TNFRSF8: variants seen among roughly 807,000 people sequenced by gnomAD.
TNFRSF8 encodes the protein TNF receptor superfamily member 8.
Under a neutral mutation model 70.8 loss-of-function variants are expected in TNFRSF8, and 26 were observed. The ratio of observed to expected loss-of-function variants is 0.37; its 90% CI spans 0.27 to 0.51. TNFRSF8 has a LOEUF of 0.51. Ranked by LOEUF, TNFRSF8 falls within the 20% of genes least tolerant of loss-of-function variation. The pLI, the probability that TNFRSF8 is intolerant of heterozygous loss-of-function variation, is 0.94. For missense variants in TNFRSF8, 720 were observed against 807.9 expected (o/e 0.89, Z 1.32); for synonymous variants, 356 against 339.2 (o/e 1.05, Z -0.54).
intron 3 of TNFRSF8, among the ~76,000 whole-genome samples, 191 bp from the exon 4 acceptor site, chr1:12,104,188 T>C (rs1641474699): frequency 6.6e-6 from 1 of 152,156 alleles, no homozygotes; most frequent in East Asian, 1.9e-4. Flanking sequence ...CTTTTTTTTA[T>C]TTTTTTGCAT....
Position 12,110,335 on chromosome 1 carries a change from T to A in TNFRSF8, c.676+131T>A. The A allele has an allele frequency of 1.0e-6, 1 of 967,760 alleles. No individual in the cohort carries two copies. Among genetic ancestry groups the A allele is most frequent in the Non-Finnish European group, 1.5e-6 (1 of 680,060 alleles). 59.9% of individuals were successfully genotyped at this position (967,760 alleles called of 1,614,324 possible). A position where few individuals can be genotyped will look rare whatever the true frequency, so the allele number is the denominator to read the frequency against. On this transcript the variant is annotated intron_variant, in intron 6 of 14. Coordinates refer to ENST00000263932, the MANE Select transcript of TNFRSF8 (RefSeq NM_001243.5). The surrounding 1 kb of genome is among the most constrained non-coding windows in gnomAD (Gnocchi z 4.0). ...TCCTGGTGGGGAGAGAAGACGGTGGTAAGGTATGATCTAGGGCTGAAAGCA... is the reference window on the plus strand; with the variant it reads ...TCCTGGTGGGGAGAGAAGACGGTGGAAAGGTATGATCTAGGGCTGAAAGCA...
At chr1:12,121,489 GC>G (rs1454052916) in intron 8 of TNFRSF8, among the ~76,000 whole-genome samples, 2 of 152,138 alleles carry the variant, frequency 1.3e-5, no homozygotes, top group East Asian at 3.9e-4. Flanking sequence ...AAATTATCCT[GC>G]CCCAGAAAAG....
chr1:12,105,883 G>C (rs1356352572), intron 4 of TNFRSF8, among the ~76,000 whole-genome samples: 1 of 148,004 alleles, frequency 6.8e-6, no homozygotes, highest in African/African-American at 2.5e-5. Flanking sequence ...TGGTTGCAGT[G>C]AGCTGAGATT....
chr1:12,099,466 T>A (rs968637466), intron 3 of TNFRSF8, among the ~76,000 whole-genome samples: 9 of 151,984 alleles, frequency 5.9e-5, no homozygotes, highest in Non-Finnish European at 7.4e-5. Context: ...CTTTAAATTT[T>A]AAGACAGGGT....
intron 10 of TNFRSF8, among the ~76,000 whole-genome samples, chr1:12,124,504 G>A (rs1641894446): frequency 6.6e-6 from 1 of 152,200 alleles, no homozygotes; most frequent in South Asian, 2.1e-4. Flanking sequence ...TATAAGCAGT[G>A]TAGCATTGTA....
In TNFRSF8 at chr1:12,104,518, T is replaced by G; in HGVS notation, c.408T>G (p.Ile136Met). Residue 136 changes from isoleucine to methionine, a missense_variant, in exon 4 of 15, where the codon ATT becomes ATG. Transcript: ENST00000263932. ...ATTCTGTCTGTCCGGCAGGGATGAT[T>G]GTCAAGTTCCCAGGTCAGTGTCCCC... ...FFHSVCPAGM[I>M]VKFPGTAQKN... is the part of the protein sequence containing the mutation. 6.2e-7 allele frequency: 1 copy of G among 1,614,198 alleles called. No individual in the cohort carries two copies. The highest frequency in any genetic ancestry group is 8.5e-7 in the Non-Finnish European group (1 of 1,180,038).
At chr1:12,137,471 T>C (rs771977792) in intron 13 of TNFRSF8, among the ~76,000 whole-genome samples, 2 of 152,060 alleles carry the variant, frequency 1.3e-5, no homozygotes, top group Non-Finnish European at 2.9e-5. Context: ...GGACATTTCA[T>C]GAGGCCACTT....
At chr1:12,120,547 T>C (rs1418215009) in intron 8 of TNFRSF8, among the ~76,000 whole-genome samples, 1 of 152,252 alleles carries the variant, frequency 6.6e-6, no homozygotes, top group African/African-American at 2.4e-5. Flanking sequence ...TTTTAAGCGA[T>C]TGCTGGATGT....
chr1:12,116,527 G>C (rs909953766), intron 8 of TNFRSF8, among the ~76,000 whole-genome samples: 4 of 152,080 alleles, frequency 2.6e-5, no homozygotes, highest in Non-Finnish European at 5.9e-5. Flanking sequence ...ATGGCCAGGC[G>C]TGGTGGCTCA....
At chr1:12,064,381 CTG>C (rs1640701579) in intron 1 of TNFRSF8, among the ~76,000 whole-genome samples, 1 of 152,162 alleles carries the variant, frequency 6.6e-6, no homozygotes. Flanking sequence ...AAATTAATCA[CTG>C]TGGGGAGAAT....
intron 2 of TNFRSF8, among the ~76,000 whole-genome samples, chr1:12,089,369 G>A (rs1481344167): frequency 6.6e-6 from 1 of 152,180 alleles, no homozygotes; most frequent in African/African-American, 2.4e-5. Context: ...TTCTGTGACA[G>A]CCAGCCATTG....
intron 2 of TNFRSF8, among the ~76,000 whole-genome samples, chr1:12,085,262 C>G (rs541358335): frequency 3.9e-5 from 6 of 152,100 alleles, no homozygotes; most frequent in Non-Finnish European, 8.8e-5. Flanking sequence ...CGGCATGCAC[C>G]ACCACACCTG....
intron 1 of TNFRSF8, chr1:12,080,479 TG>T (rs1557577369): frequency 3.8e-6 from 2 of 521,992 alleles, no homozygotes; most frequent in Non-Finnish European, 7.6e-6. Context: ...CTGTGGTCAG[TG>T]GGAACTTGAT....
At chr1:12,065,795 G>A (rs994814450) in intron 1 of TNFRSF8, among the ~76,000 whole-genome samples, 1 of 152,166 alleles carries the variant, frequency 6.6e-6, no homozygotes, top group Non-Finnish European at 1.5e-5. Flanking sequence ...GGATGGATGG[G>A]TGCTAAGGTT....
chr1:12,104,242 G>A, intron 3 of TNFRSF8, 137 bp from the exon 4 acceptor site: 2 of 793,112 alleles, frequency 2.5e-6, no homozygotes, highest in Admixed American at 2.7e-5. Context: ...TCCAATTTTA[G>A]TGGTCACCAG....
rs760405283 is a variant in TNFRSF8, at chr1:12,141,224, C to T, written c.1544-1063C>T. Reference sequence around the variant, plus strand: ...AGAAAGGCAGGGGTCCCTGCACCCCCACCCCACCCCAGCTCTCAAGTTCCC... The same window carrying T: ...AGAAAGGCAGGGGTCCCTGCACCCCTACCCCACCCCAGCTCTCAAGTTCCC... On this transcript the variant is annotated intron_variant, in intron 14 of 14. Coordinates refer to ENST00000263932, the MANE Select transcript of TNFRSF8 (RefSeq NM_001243.5). The surrounding 1 kb of genome is among the most constrained non-coding windows in gnomAD (Gnocchi z 5.4). Among the ~76,000 whole-genome samples, 16 of 152,276 alleles carry T rather than the reference C, an allele frequency of 1.1e-4. No individual in the cohort carries two copies. The highest frequency in any genetic ancestry group is 1.9e-4 in the East Asian group (1 of 5,178).
chr1:12,115,536 C>T, intron 7 of TNFRSF8, 41 bp from the exon 8 acceptor site: 5 of 1,613,536 alleles, frequency 3.1e-6, no homozygotes, highest in Non-Finnish European at 4.2e-6. Flanking sequence ...CTGCCCTTGC[C>T]ATACTGATCT....
rs150957855 is a variant in TNFRSF8, at chr1:12,088,842, C to T, written c.151+4291C>T. Among the ~76,000 whole-genome samples the T allele has an allele frequency of 8.2e-3, 1,244 of 152,334 alleles. 12 individuals carry two copies. The highest frequency in any genetic ancestry group is 0.041 in the Middle Eastern group (12 of 294). ...TAAAGCTCAGCTTTGTGCATGGGCACGCCCATTTGGCATGACAGCTGCTGC... is the reference window on the plus strand; with the variant it reads ...TAAAGCTCAGCTTTGTGCATGGGCATGCCCATTTGGCATGACAGCTGCTGC... On this transcript the variant is annotated intron_variant, in intron 2 of 14. Coordinates refer to ENST00000263932, the MANE Select transcript of TNFRSF8 (RefSeq NM_001243.5). The surrounding 1 kb of genome is among the most constrained non-coding windows in gnomAD (Gnocchi z 4.0).
At chr1:12,102,194 C>T (rs563936158) in intron 3 of TNFRSF8, among the ~76,000 whole-genome samples, 1 of 152,330 alleles carries the variant, frequency 6.6e-6, no homozygotes, top group South Asian at 2.1e-4. Flanking sequence ...CATCATATCT[C>T]ATGATGCCGG....
Sources: gnomAD v4.1 joint callset for allele counts (sites outside exome capture counted in the v4.1 genomes callset) on GRCh38, gnomAD v4.1.1 for gene constraint, Gnocchi (gnomAD v3.1) non-coding constraint, MANE v1.5 for transcripts, NCBI Gene and HGNC (gene_info 2026-07-23, HGNC 2026-07-21) for gene names.